Variants in ACSL1 observed in about 807,000 individuals in gnomAD.
The protein encoded by ACSL1 is acyl-CoA synthetase long chain family member 1.
In ACSL1, 41 loss-of-function variants were observed where a neutral mutation model predicts 98.4. The ratio of observed to expected loss-of-function variants is 0.42; its 90% CI spans 0.32 to 0.54. The LOEUF is 0.54. Among genes scored for constraint, ACSL1 ranks in the 20% least tolerant of loss-of-function variants. The pLI, the probability that ACSL1 is intolerant of heterozygous loss-of-function variation, is 0.13. For synonymous variants in ACSL1, 316 were observed against 322.7 expected (o/e 0.98, Z 0.22); for missense variants, 734 against 883.1 (o/e 0.83, Z 2.14).
intron 1 of ACSL1, among the ~76,000 whole-genome samples, chr4:184,810,893 G>A (rs1771996767): frequency 6.6e-6 from 1 of 152,148 alleles, no homozygotes. Flanking sequence ...ACTGCACGGG[G>A]TTGTTACTGC....
chr4:184,774,378 AT>A (rs1764968086), intron 7 of ACSL1, among the ~76,000 whole-genome samples: 1 of 152,210 alleles, frequency 6.6e-6, no homozygotes, highest in Non-Finnish European at 1.5e-5. Flanking sequence ...AATGCTAGGC[AT>A]TTTGGAGAGG....
rs1763629561 is a variant in ACSL1, at chr4:184,766,503, C to A, written c.1263+119G>T. On this transcript the variant is annotated intron_variant, in intron 13 of 20. Coordinates refer to ENST00000281455, the MANE Select transcript of ACSL1 (RefSeq NM_001995.5). This position sits in a 1 kb window ranked among gnomAD's most constrained non-coding sequence, Gnocchi z 4.8. ...GTTTTTAAATGTGTGCCAGAATTAA[C>A]AAAAACATGTTATTCTCTCCCTTAC... The A allele has an allele frequency of 7.2e-7, 1 of 1,385,916 alleles. No homozygotes were observed. The highest frequency in any genetic ancestry group is 1.4e-5 in the African/African-American group (1 of 69,136). 85.9% of individuals were successfully genotyped at this position (1,385,916 alleles called of 1,614,324 possible). A position where few individuals can be genotyped will look rare whatever the true frequency, so the allele number is the denominator to read the frequency against.
chr4:184,786,295 G>A (rs1767293074), intron 3 of ACSL1, among the ~76,000 whole-genome samples: 2 of 152,180 alleles, frequency 1.3e-5, no homozygotes, highest in South Asian at 4.1e-4. Flanking sequence ...ACTCCTGTTC[G>A]TATCAATTAG....
At chr4:184,807,916 T>C (rs1771636268) in intron 1 of ACSL1, among the ~76,000 whole-genome samples, 2 of 152,186 alleles carry the variant, frequency 1.3e-5, no homozygotes, top group South Asian at 2.1e-4. Context: ...CCCTCTCCCC[T>C]GAGAACACAC....
chr4:184,811,241 T>C (rs897418546), intron 1 of ACSL1, among the ~76,000 whole-genome samples: 92 of 152,142 alleles, frequency 6.0e-4, no homozygotes, highest in African/African-American at 2.1e-3. Context: ...CCGGAGTAGC[T>C]GGAACTTCAG....
At chr4:184,826,089 GGCCCCGCCCTCCCGCGGCCCC>G (rs1325530190), upstream of ACSL1, 1 of 146,896 alleles carries the variant, frequency 6.8e-6, no homozygotes, top group Admixed American at 6.8e-5. Flanking sequence ...TCGCCGCGCC[GGCCCCGCCCTCCCGCGGCCCC>G]GCCCCGCCCG....
intron 1 of ACSL1, among the ~76,000 whole-genome samples, chr4:184,809,324 TATC>T (rs1286196975): frequency 6.6e-6 from 1 of 152,150 alleles, no homozygotes; most frequent in Non-Finnish European, 1.5e-5. Flanking sequence ...TGGTCACAAA[TATC>T]ATATATGCCC....
At position 184,756,904 on chromosome 4, in the gene ACSL1, G is replaced by A; in HGVS notation, c.*221C>T. On this transcript the variant is annotated 3_prime_UTR_variant, in exon 21 of 21. Transcript: ENST00000281455. Reference sequence around the variant, plus strand: ...TTTACAATTTTTAAGGCTCATTTTGGAAAGTGTGTATTACCATAAACATGG... The same window carrying A: ...TTTACAATTTTTAAGGCTCATTTTGAAAAGTGTGTATTACCATAAACATGG... 2.2e-6 allele frequency: 1 copy of A among 453,304 alleles called. No homozygotes were observed. Among genetic ancestry groups the A allele is most frequent in the Non-Finnish European group, 3.8e-6 (1 of 262,730 alleles). 28.1% of individuals were successfully genotyped at this position (453,304 alleles called of 1,614,324 possible).
rs1773364389 is a variant in ACSL1, at chr4:184,825,126, G to A, written c.-33+790C>T. On this transcript the variant is annotated intron_variant, in intron 1 of 20. Coordinates refer to ENST00000281455, the MANE Select transcript of ACSL1 (RefSeq NM_001995.5). This position sits in a 1 kb window ranked among gnomAD's most constrained non-coding sequence, Gnocchi z 4.7. ...ATTATGCTCCATAACCTTGAAATTG[G>A]ACTGAGTGGGGAAGGGGTTTCCACA... is the stretch of plus-strand genomic sequence containing the variant. 9 of 952,602 alleles carry A rather than the reference G, an allele frequency of 9.4e-6. No individual in the cohort carries two copies. Among genetic ancestry groups the A allele is most frequent in the Non-Finnish European group, 1.0e-5 (8 of 800,162 alleles). The allele number at this position is 952,602 out of a possible 1,614,324, so 59.0% of individuals were successfully genotyped here. A position where few individuals can be genotyped will look rare whatever the true frequency, so the allele number is the denominator to read the frequency against.
chr4:184,793,758 G>A (rs987393111), intron 2 of ACSL1, among the ~76,000 whole-genome samples: 9 of 152,118 alleles, frequency 5.9e-5, no homozygotes, highest in African/African-American at 1.9e-4. Flanking sequence ...GTTCTAATGC[G>A]GGATCCATCT....
chr4:184,821,225 A>T, intron 1 of ACSL1: 1 of 395,382 alleles, frequency 2.5e-6, no homozygotes, highest in Non-Finnish European at 5.1e-6. Context: ...TTTGTGGCAG[A>T]CACCTGGACC....
chr4:184,796,946 C>A (rs1297708716), intron 2 of ACSL1, among the ~76,000 whole-genome samples: 1 of 152,212 alleles, frequency 6.6e-6, no homozygotes, highest in Non-Finnish European at 1.5e-5. Flanking sequence ...AATCATTCAT[C>A]TATTGCCCTG....
Position 184,762,539 on chromosome 4 carries a change from T to C in ACSL1, c.1522-16A>G. The C allele has an allele frequency of 6.2e-7, 1 of 1,606,586 alleles. No individual in the cohort carries two copies. The highest frequency in any genetic ancestry group is 1.3e-5 in the African/African-American group (1 of 74,866). ...TCACACACACCTAAAGAAAAGAAGA[T>C]CATCAGTGAACAGCATTTACTGGGG... On this transcript the variant is annotated splice_polypyrimidine_tract_variant and intron_variant, in intron 16 of 20. Transcript: ENST00000281455.
At position 184,797,461 on chromosome 4, in the gene ACSL1, C is replaced by T. The variant is rs1769627348; in HGVS notation, c.195+5859G>A. ...ATATGCTCCATATACACCCTCTAAA[C>T]ATGGATGAAGGATGCCAGTCCTTGT... is the stretch of plus-strand genomic sequence containing the variant. On this transcript the variant is annotated intron_variant, in intron 2 of 20. Coordinates refer to ENST00000281455, the MANE Select transcript of ACSL1 (RefSeq NM_001995.5). Among the ~76,000 whole-genome samples the T allele has an allele frequency of 2.0e-5, 3 of 152,188 alleles. No homozygotes were observed. The South Asian group carries it at 6.2e-4, about 31-fold the overall frequency.
rs201447789 is a variant in ACSL1 at position 184,768,950 on chromosome 4, T to C, written c.994-500A>G. On this transcript the variant is annotated intron_variant, in intron 11 of 20. Coordinates refer to ENST00000281455, the MANE Select transcript of ACSL1 (RefSeq NM_001995.5). ...CGGGCTTGGTGGCGGGTGCCCATAG[T>C]CCCAGCGACTCAGGAGGCTGAGGCT... 4.6e-5 allele frequency among the ~76,000 whole-genome samples: 7 copies of C among 151,996 alleles called. No individual in the cohort carries two copies. In the East Asian group the frequency reaches 1.4e-3, roughly 29 times the overall value.
At position 184,773,180 on chromosome 4, in the gene ACSL1, A is replaced by G; in HGVS notation, c.842-26T>C. On this transcript the variant is annotated intron_variant, in intron 9 of 20. Coordinates refer to ENST00000281455, the MANE Select transcript of ACSL1 (RefSeq NM_001995.5). This position sits in a 1 kb window ranked among gnomAD's most constrained non-coding sequence, Gnocchi z 4.3. ...CTGTGGAGCACATATGAAGCAGAACAAAGTTAAAGAATGACAGAAATGAAG... is the reference window on the plus strand; with the variant it reads ...CTGTGGAGCACATATGAAGCAGAACGAAGTTAAAGAATGACAGAAATGAAG... The G allele has an allele frequency of 6.3e-7, 1 of 1,594,118 alleles. No individual in the cohort carries two copies. The highest frequency in any genetic ancestry group is 8.6e-7 in the Non-Finnish European group (1 of 1,162,468).
intron 11 of ACSL1, 123 bp downstream of exon 11, chr4:184,770,276 G>A (rs913697511): frequency 2.3e-5 from 36 of 1,546,244 alleles, no homozygotes; most frequent in Admixed American, 3.9e-5. Context: ...GTTCATAAAT[G>A]TGAGCAAGTG....
At position 184,773,593 on chromosome 4, in the gene ACSL1, C is replaced by T. The variant is rs1764824531; in HGVS notation, c.841+70G>A. 3.3e-5 allele frequency: 48 copies of T among 1,447,116 alleles called. No individual in the cohort carries two copies. In the South Asian group the frequency reaches 6.1e-4, roughly 19 times the overall value. 89.6% of individuals were successfully genotyped at this position (1,447,116 alleles called of 1,614,324 possible). ...CGTCTACTGTTAGCTGATAAGTCAT[C>T]CAAAAGAGGTAGGGGAGAGTCCAGA... On this transcript the variant is annotated intron_variant, in intron 9 of 20. Coordinates refer to ENST00000281455, the MANE Select transcript of ACSL1 (RefSeq NM_001995.5). This position sits in a 1 kb window ranked among gnomAD's most constrained non-coding sequence, Gnocchi z 4.3.
chr4:184,825,335 G>T lies in ACSL1; in HGVS notation c.-33+581C>A. 2.6e-6 allele frequency: 2 copies of T among 766,128 alleles called. No individual in the cohort carries two copies. Among genetic ancestry groups the T allele is most frequent in the Non-Finnish European group, 3.2e-6 (2 of 629,548 alleles). 47.5% of individuals were successfully genotyped at this position (766,128 alleles called of 1,614,324 possible). The stretch of plus-strand genomic sequence containing the variant: ...CTCCACGGCCAAGTGCAAGGGCCAC[G>T]GGCACTCCTCTGGAGTCACCGAGAG... On this transcript the variant is annotated intron_variant, in intron 1 of 20. Coordinates refer to ENST00000281455, the MANE Select transcript of ACSL1 (RefSeq NM_001995.5). The surrounding 1 kb of genome is among the most constrained non-coding windows in gnomAD (Gnocchi z 4.7).
Sources: allele counts gnomAD v4.1 joint callset (sites outside exome capture counted in the v4.1 genomes callset), GRCh38; gene constraint gnomAD v4.1.1; non-coding constraint Gnocchi (gnomAD v3.1); transcripts MANE v1.5; gene names NCBI Gene and HGNC (gene_info 2026-07-23, HGNC 2026-07-21).